ATP5PD: variants seen among roughly 807,000 people sequenced by gnomAD.
ATP5PD encodes the protein ATP synthase peripheral stalk subunit d, mitochondrial.
A neutral mutation model predicts 22.6 loss-of-function variants in ATP5PD; 13 were observed. The ratio of observed to expected loss-of-function variants is 0.58; its 90% CI spans 0.37 to 0.91. The LOEUF is 0.91. ATP5PD is among the 40% of genes least tolerant of loss of function. The probability of loss-of-function intolerance (pLI) is 0.00; values close to 1 mark genes in which losing one functional copy is unlikely to be tolerated. For synonymous variants in ATP5PD, 51 were observed against 65.0 expected, an observed-to-expected ratio of 0.79 and a Z score of 1.03; for missense variants, 165 against 188.0, an observed-to-expected ratio of 0.88 and a Z score of 0.72.
intron 4 of ATP5PD, 181 bp downstream of exon 4, chr17:75,039,911 G>T: frequency 1.5e-6 from 1 of 678,682 alleles, no homozygotes; most frequent in African/African-American, 1.8e-5. Flanking sequence ...TTTTCTTGTT[G>T]GCTTCTTTCA....
chr17:75,042,511 T>C lies in ATP5PD; in HGVS notation c.122+18A>G. ...ATTCAGTGGCAAGTATGGGGTTCCC[T>C]CTCAGAAACATACTGACCTGGAGGT... On this transcript the variant is annotated intron_variant, in intron 2 of 5. Transcript: ENST00000301587. 6.2e-7 allele frequency: 1 copy of C among 1,600,580 alleles called. No individual in the cohort carries two copies. The highest frequency in any genetic ancestry group is 1.3e-5 in the African/African-American group (1 of 74,226).
intron 1 of ATP5PD, among the ~76,000 whole-genome samples, chr17:75,044,233 CT>C (rs1432675762): frequency 2.2e-3 from 246 of 109,548 alleles, no homozygotes; most frequent in African/African-American, 5.7e-3. Context: ...GAGTCTCGCT[CT>C]GTCGCCCAGG....
intron 1 of ATP5PD, among the ~76,000 whole-genome samples, chr17:75,045,005 G>A (rs574341865): frequency 2.3e-4 from 35 of 152,184 alleles, no homozygotes; most frequent in Admixed American, 8.5e-4. Context: ...TCAGTGTATC[G>A]GGGAACTTGC....
chr17:75,042,031 TCAATCGACCA>T (rs2073166465), intron 3 of ATP5PD, 140 bp downstream of exon 3: 1 of 635,014 alleles, frequency 1.6e-6, no homozygotes, highest in African/African-American at 1.8e-5. Flanking sequence ...TATTTACAGT[TCAATCGACCA>T]CAAGGCCTTT....
chr17:75,044,689 A>C (rs1458910282), intron 1 of ATP5PD, among the ~76,000 whole-genome samples: 1 of 152,238 alleles, frequency 6.6e-6, no homozygotes, highest in Admixed American at 6.5e-5. Flanking sequence ...AGAAAAATAC[A>C]GAAAACGACT....
intron 1 of ATP5PD, among the ~76,000 whole-genome samples, chr17:75,044,807 G>A (rs779339534): frequency 6.6e-6 from 1 of 152,232 alleles, no homozygotes; most frequent in Non-Finnish European, 1.5e-5. Flanking sequence ...TAAGCTTGGA[G>A]TGGAATGCAA....
chr17:75,041,690 G>A (rs2073162541), intron 3 of ATP5PD: 1 of 152,702 alleles, frequency 6.5e-6, no homozygotes, highest in Admixed American at 6.5e-5. Context: ...AGACAGGAAG[G>A]AAGCTAAAAG....
Position 75,042,581 on chromosome 17 carries a change from G to T in ATP5PD, c.70C>A (p.Gln24Lys). Reference sequence around the variant, plus strand: ...TTCAGGGAACTAGCAATGGCCTTTTGGTTCTGGGGTATGATCTCTGCAAAA... The same window carrying T: ...TTCAGGGAACTAGCAATGGCCTTTTTGTTCTGGGGTATGATCTCTGCAAAA... ...VAFAEIIPQNQKAIASSLKSW... is the reference protein window; with the variant it reads ...VAFAEIIPQNKKAIASSLKSW... Residue 24 changes from glutamine to lysine, a missense_variant, in exon 2 of 6, where the codon CAA becomes AAA. Transcript: ENST00000301587. The T allele has an allele frequency of 6.2e-7, 1 of 1,613,026 alleles. No individual in the cohort carries two copies. The highest frequency in any genetic ancestry group is 2.2e-5 in the East Asian group (1 of 44,876).
chr17:75,042,498 G>A (rs1567987766), intron 2 of ATP5PD, 31 bp downstream of exon 2: 2 of 1,599,890 alleles, frequency 1.3e-6, no homozygotes, highest in African/African-American at 1.3e-5. Flanking sequence ...TCAGTGGCAA[G>A]TATGGGGTTC....
chr17:75,042,861 A>AT, intron 1 of ATP5PD, among the ~76,000 whole-genome samples: 1 of 151,926 alleles, frequency 6.6e-6, no homozygotes, highest in Middle Eastern at 3.2e-3. Context: ...AGCCTGGGAG[A>AT]CACAGCAAGA....
intron 1 of ATP5PD, among the ~76,000 whole-genome samples, chr17:75,044,221 C>T (rs1354311400): frequency 2.8e-5 from 3 of 109,030 alleles, no homozygotes; most frequent in Admixed American, 1.6e-4. Context: ...TTTTTTGAGA[C>T]GGAGTCTCGC....
At position 75,043,541 on chromosome 17, in the gene ATP5PD, C is replaced by T. The variant is rs561678413; in HGVS notation, c.-9-882G>A. Reference sequence around the variant, plus strand: ...GACAGGACAATCACTTGAACCTGGGCGGCGGAGGTTGCAGTGAGCTGAGAT... The same window carrying T: ...GACAGGACAATCACTTGAACCTGGGTGGCGGAGGTTGCAGTGAGCTGAGAT... On this transcript the variant is annotated intron_variant, in intron 1 of 5. Coordinates refer to ENST00000301587, the MANE Select transcript of ATP5PD (RefSeq NM_006356.3). Among the ~76,000 whole-genome samples, 10 of 145,750 alleles carry T rather than the reference C, an allele frequency of 6.9e-5. No individual in the cohort carries two copies. The South Asian group carries it at 9.2e-4, about 13-fold the overall frequency.
At chr17:75,040,268 A>G in intron 3 of ATP5PD, 105 bp from the exon 4 acceptor site, 1 of 1,360,130 alleles carries the variant, frequency 7.4e-7, no homozygotes, top group South Asian at 1.2e-5. Flanking sequence ...GGAAGCTACG[A>G]ATCCTTAAAG....
At chr17:75,043,029 A>G (rs2073176505) in intron 1 of ATP5PD, among the ~76,000 whole-genome samples, 1 of 150,534 alleles carries the variant, frequency 6.6e-6, no homozygotes, top group Admixed American at 6.6e-5. Flanking sequence ...CGAGACCAGC[A>G]TGGCCAACAT....
chr17:75,041,912 G>A lies in ATP5PD; in HGVS notation c.219+269C>T, dbSNP rs117302657. Reference sequence around the variant, plus strand: ...GCCTAAGAAGGGGTGAACCGGCCCAGGTCAGAAACAGAGCAGGTCAAAACT... The same window carrying A: ...GCCTAAGAAGGGGTGAACCGGCCCAAGTCAGAAACAGAGCAGGTCAAAACT... On this transcript the variant is annotated intron_variant, in intron 3 of 5. Transcript: ENST00000301587. 1.4e-4 allele frequency: 45 copies of A among 318,600 alleles called. No individual in the cohort carries two copies. The East Asian group carries it at 1.8e-3, about 13-fold the overall frequency. The allele number at this position is 318,600 out of a possible 1,614,324, so 19.7% of individuals were successfully genotyped here.
At chr17:75,046,697 C>A (rs2073222603) in intron 1 of ATP5PD, among the ~76,000 whole-genome samples, 1 of 152,230 alleles carries the variant, frequency 6.6e-6, no homozygotes, top group South Asian at 2.1e-4. Context: ...CCTACATCAG[C>A]GGCGCCTGGG....
intron 1 of ATP5PD, among the ~76,000 whole-genome samples, chr17:75,044,728 T>C (rs757660850): frequency 2.6e-5 from 4 of 152,084 alleles, no homozygotes; most frequent in South Asian, 2.1e-4. Flanking sequence ...AGTCAGAATA[T>C]AGGAAAATAG....
At chr17:75,043,206 G>A (rs1281954239) in intron 1 of ATP5PD, among the ~76,000 whole-genome samples, 1 of 152,170 alleles carries the variant, frequency 6.6e-6, no homozygotes, top group East Asian at 1.9e-4. Flanking sequence ...GGGCAACACA[G>A]CAAGAGTCCG....
chr17:75,045,645 G>A (rs1275603383), intron 1 of ATP5PD, among the ~76,000 whole-genome samples: 4 of 149,936 alleles, frequency 2.7e-5, no homozygotes, highest in South Asian at 4.3e-4. Context: ...CCGGCTCACC[G>A]GCGGTCAGAG....
Sources: allele counts gnomAD v4.1 joint callset (sites outside exome capture counted in the v4.1 genomes callset), GRCh38; gene constraint gnomAD v4.1.1; transcripts MANE v1.5; gene names NCBI Gene and HGNC (gene_info 2026-07-23, HGNC 2026-07-21).